Variants in PCSK5 observed in about 807,000 individuals in gnomAD.
PCSK5 encodes proprotein convertase subtilisin/kexin type 5, also known as prohormone convertase 5.
A neutral mutation model predicts 233.2 loss-of-function variants in PCSK5; 129 were observed. The observed-to-expected ratio is 0.55, with a 90% CI of 0.48 to 0.64. The LOEUF is 0.64. Ranked by LOEUF, PCSK5 falls within the 30% of genes least tolerant of loss-of-function variation. The pLI is 0.00. For synonymous variants in PCSK5, 825 were observed against 879.2 expected, an observed-to-expected ratio of 0.94 and a Z score of 1.09; for missense variants, 2,076 against 2,430.1, an observed-to-expected ratio of 0.85 and a Z score of 3.06.
Position 76,359,348 on chromosome 9 carries a change from G to T in PCSK5, c.*426G>T. On this transcript the variant is annotated 3_prime_UTR_variant, in exon 38 of 38. Transcript: ENST00000674117. ...CTAATTTTTCTTTATCTAATTTTGGGGATAATGGAGGTACAAAGGAGTTGT... is the reference window on the plus strand; with the variant it reads ...CTAATTTTTCTTTATCTAATTTTGGTGATAATGGAGGTACAAAGGAGTTGT... 1 of 168,192 alleles carries T rather than the reference G, an allele frequency of 5.9e-6. No homozygotes were observed. Among genetic ancestry groups the T allele is most frequent in the Admixed American group, 5.6e-5 (1 of 17,876 alleles). 10.4% of individuals were successfully genotyped at this position (168,192 alleles called of 1,614,324 possible).
chr9:75,959,954 T>C (rs1029298239), intron 2 of PCSK5, among the ~76,000 whole-genome samples: 2 of 152,198 alleles, frequency 1.3e-5, no homozygotes. Flanking sequence ...AGGTAGATAT[T>C]GTAATTCCTA....
intron 34 of PCSK5, among the ~76,000 whole-genome samples, chr9:76,334,894 A>G (rs930443500): frequency 1.3e-5 from 2 of 152,164 alleles, no homozygotes; most frequent in African/African-American, 2.4e-5. Flanking sequence ...CCTTGCCAAC[A>G]TGGTGAGACC....
At chr9:76,238,115 A>G (rs1308165846) in intron 22 of PCSK5, among the ~76,000 whole-genome samples, 2 of 152,216 alleles carry the variant, frequency 1.3e-5, no homozygotes, top group Non-Finnish European at 2.9e-5. Context: ...TGATTCAGAG[A>G]AGATGGATAC....
At chr9:75,953,295 G>A (rs1403369496) in intron 2 of PCSK5, among the ~76,000 whole-genome samples, 1 of 152,170 alleles carries the variant, frequency 6.6e-6, no homozygotes, top group Non-Finnish European at 1.5e-5. Context: ...GGAAGCAAAA[G>A]AAGTGAGATT....
chr9:76,039,585 G>C (rs1212640234), intron 5 of PCSK5, among the ~76,000 whole-genome samples: 1 of 152,210 alleles, frequency 6.6e-6, no homozygotes, highest in East Asian at 1.9e-4. Context: ...TATGCTAAGA[G>C]AATGTACTAA....
chr9:75,916,759 T>G (rs1253158492), intron 1 of PCSK5, among the ~76,000 whole-genome samples: 1 of 152,092 alleles, frequency 6.6e-6, no homozygotes, highest in Non-Finnish European at 1.5e-5. Flanking sequence ...GATAGGCCCT[T>G]GGGTCAAATA....
intron 20 of PCSK5, among the ~76,000 whole-genome samples, chr9:76,197,830 C>T (rs1345815678): frequency 2.0e-5 from 3 of 152,356 alleles, no homozygotes; most frequent in African/African-American, 7.2e-5. Flanking sequence ...TTCTTCTCTT[C>T]TCTGGTGAAC....
chr9:76,172,713 G>A (rs182801173), intron 13 of PCSK5, among the ~76,000 whole-genome samples: 12 of 152,258 alleles, frequency 7.9e-5, no homozygotes, highest in East Asian at 1.9e-4. Flanking sequence ...AGGAAAATGC[G>A]TTCTCTTTTG....
intron 1 of PCSK5, among the ~76,000 whole-genome samples, chr9:75,891,583 G>C (rs1258010024): frequency 6.6e-6 from 1 of 151,482 alleles, no homozygotes; most frequent in Admixed American, 6.6e-5. Flanking sequence ...TGCCGGGTCC[G>C]TGTTTTGTTT....
Position 75,900,082 on chromosome 9 carries a change from A to G in PCSK5, c.192+8709A>G, listed in dbSNP as rs530705349. On this transcript the variant is annotated intron_variant, in intron 1 of 37. Transcript: ENST00000674117. ...GGAGTACAACAGTTTTTCATTGGAC[A>G]TCTGCTTCTATCCACCTGCCAGCCT... 2.0e-5 allele frequency among the ~76,000 whole-genome samples: 3 copies of G among 152,324 alleles called. No individual in the cohort carries two copies. In the East Asian group the frequency reaches 5.8e-4, roughly 29 times the overall value.
At chr9:75,964,764 C>G (rs917596464) in intron 2 of PCSK5, among the ~76,000 whole-genome samples, 17 of 152,166 alleles carry the variant, frequency 1.1e-4, no homozygotes, top group African/African-American at 4.1e-4. Context: ...TAATTAAGTG[C>G]TCATTGCGTA....
intron 3 of PCSK5, among the ~76,000 whole-genome samples, chr9:76,014,946 TGGAGAAAGAG>T (rs1827885240): frequency 6.6e-6 from 1 of 152,156 alleles, no homozygotes; most frequent in Non-Finnish European, 1.5e-5. Flanking sequence ...TATATATATC[TGGAGAAAGAG>T]AGAGAAAGAG....
At chr9:76,344,519 G>A (rs1227023329) in intron 35 of PCSK5, among the ~76,000 whole-genome samples, 2 of 152,156 alleles carry the variant, frequency 1.3e-5, no homozygotes, top group African/African-American at 2.4e-5. Flanking sequence ...GACATATATG[G>A]TTACCACTTA....
Position 76,249,462 on chromosome 9 carries a change from A to T in PCSK5, c.3142+8778A>T, listed in dbSNP as rs185759642. Among the ~76,000 whole-genome samples the T allele has an allele frequency of 4.3e-4, 66 of 152,338 alleles. 1 individual carries two copies. In the East Asian group the frequency reaches 0.011, roughly 26 times the overall value. ...AGATAAAACAATCAAGAAAATGCAG[A>T]AGTATTTTTATTTTTATTTTGAGAC... is the stretch of plus-strand genomic sequence containing the variant. On this transcript the variant is annotated intron_variant, in intron 24 of 37. Coordinates refer to ENST00000674117, the MANE Select transcript of PCSK5 (RefSeq NM_001372043.1).
intron 30 of PCSK5, among the ~76,000 whole-genome samples, chr9:76,315,530 C>T (rs1354418921): frequency 1.3e-5 from 2 of 151,914 alleles, no homozygotes; most frequent in Admixed American, 6.6e-5. Context: ...AAGAAATATT[C>T]GTCTTCTTAA....
intron 20 of PCSK5, among the ~76,000 whole-genome samples, chr9:76,222,738 C>A (rs62563392): frequency 0.091 from 13,884 of 152,130 alleles, 651 homozygotes; most frequent in South Asian, 0.12. Context: ...CAGTTGATGG[C>A]CTCATAGTTT....
intron 10 of PCSK5, among the ~76,000 whole-genome samples, chr9:76,144,886 G>A (rs1823381664): frequency 6.6e-6 from 1 of 152,140 alleles, no homozygotes; most frequent in Non-Finnish European, 1.5e-5. Flanking sequence ...CCAGCACTTT[G>A]GGAGGCCGAA....
intron 1 of PCSK5, among the ~76,000 whole-genome samples, chr9:75,922,969 T>G (rs1393116407): frequency 1.3e-5 from 2 of 152,194 alleles, no homozygotes; most frequent in East Asian, 3.8e-4. Context: ...CTGTACTCTA[T>G]TCAGGTGGCT....
At chr9:76,268,785 C>A (rs1827419804) in intron 24 of PCSK5, among the ~76,000 whole-genome samples, 1 of 152,140 alleles carries the variant, frequency 6.6e-6, no homozygotes, top group African/African-American at 2.4e-5. Context: ...GTCAAGGCTG[C>A]AGTAACCTGT....
Sources: gnomAD v4.1 joint callset for allele counts (sites outside exome capture counted in the v4.1 genomes callset) on GRCh38, gnomAD v4.1.1 for gene constraint, MANE v1.5 for transcripts, NCBI Gene and HGNC (gene_info 2026-07-23, HGNC 2026-07-21) for gene names.